CPEB3: variants seen among roughly 807,000 people sequenced by gnomAD.
CPEB3 encodes the protein cytoplasmic polyadenylation element-binding protein 3.
CPEB3 carries 20 observed loss-of-function variants against 67.2 expected under a neutral mutation model. The ratio of observed to expected loss-of-function variants is 0.30; its 90% CI spans 0.21 to 0.43. The LOEUF is 0.43. CPEB3 is among the 20% of genes least tolerant of loss of function. The probability of loss-of-function intolerance (pLI) is 1.00; values close to 1 mark genes in which losing one functional copy is unlikely to be tolerated. For synonymous variants in CPEB3, 376 were observed against 393.1 expected, an observed-to-expected ratio of 0.96 and a Z score of 0.51; for missense variants, 746 against 968.6, an observed-to-expected ratio of 0.77 and a Z score of 3.05.
intron 7 of CPEB3, 126 bp from the exon 8 acceptor site, chr10:92,092,070 T>C (rs1843641919): frequency 1.0e-5 from 7 of 675,388 alleles, no homozygotes; most frequent in Non-Finnish European, 1.9e-5. Flanking sequence ...CAAAATCCAG[T>C]TAATTAGTTA....
chr10:92,096,720 G>A (rs1306622825), intron 7 of CPEB3, among the ~76,000 whole-genome samples: 2 of 152,156 alleles, frequency 1.3e-5, no homozygotes, highest in East Asian at 3.9e-4. Flanking sequence ...AAGGTGGGCA[G>A]ATCATTTGAG....
intron 6 of CPEB3, among the ~76,000 whole-genome samples, chr10:92,120,892 G>A (rs1845336550): frequency 6.6e-6 from 1 of 151,878 alleles, no homozygotes; most frequent in African/African-American, 2.4e-5. Context: ...GTAGAGACGG[G>A]GTTTTGCCAT....
chr10:92,060,455 TG>T (rs1265184680), intron 9 of CPEB3, among the ~76,000 whole-genome samples: 3 of 152,142 alleles, frequency 2.0e-5, no homozygotes, highest in African/African-American at 7.2e-5. Context: ...ACATTGGTCT[TG>T]GCAAAAATTT....
intron 1 of CPEB3, among the ~76,000 whole-genome samples, chr10:92,285,947 CTTTTTTT>C (rs11380868): frequency 4.9e-5 from 7 of 142,706 alleles, no homozygotes; most frequent in African/African-American, 1.8e-4. Context: ...TTGCTTTTTT[CTTTTTTT>C]TTTTTTGAGA....
intron 2 of CPEB3, among the ~76,000 whole-genome samples, chr10:92,224,974 CTTT>C (rs1329526579): frequency 7.1e-6 from 1 of 140,196 alleles, no homozygotes; most frequent in Middle Eastern, 3.7e-3. Flanking sequence ...CATTTTCTTT[CTTT>C]TTTTTTTTTA....
intron 2 of CPEB3, among the ~76,000 whole-genome samples, chr10:92,205,499 C>T (rs897239232): frequency 1.9e-4 from 20 of 104,646 alleles, no homozygotes; most frequent in Admixed American, 1.4e-4. Flanking sequence ...TTTTTTGAGA[C>T]GGAGTCTCAC....
intron 2 of CPEB3, among the ~76,000 whole-genome samples, chr10:92,208,210 C>A (rs1299796086): frequency 2.0e-5 from 3 of 152,150 alleles, no homozygotes; most frequent in African/African-American, 7.2e-5. Flanking sequence ...GCTTGTCTAG[C>A]TCAACAGATA....
At chr10:92,140,382 G>A (rs929210437) in intron 6 of CPEB3, among the ~76,000 whole-genome samples, 1 of 152,138 alleles carries the variant, frequency 6.6e-6, no homozygotes, top group African/African-American at 2.4e-5. Flanking sequence ...AAGGGGGAAA[G>A]GATTCCCTAT....
chr10:92,288,384 CCT>C (rs1436700862), intron 1 of CPEB3, among the ~76,000 whole-genome samples: 3 of 151,466 alleles, frequency 2.0e-5, no homozygotes, highest in East Asian at 1.9e-4. Context: ...TGCTTGAGCC[CCT>C]GAGGCTGAGG....
At chr10:92,286,768 A>G (rs1842546642) in intron 1 of CPEB3, among the ~76,000 whole-genome samples, 1 of 152,150 alleles carries the variant, frequency 6.6e-6, no homozygotes, top group Non-Finnish European at 1.5e-5. Context: ...GAAGGCACCT[A>G]AAAATATTAT....
intron 7 of CPEB3, among the ~76,000 whole-genome samples, chr10:92,106,319 A>G (rs1210085994): frequency 1.3e-5 from 2 of 151,620 alleles, no homozygotes; most frequent in African/African-American, 2.4e-5. Flanking sequence ...TCTGGTTCAC[A>G]GTAACCAGTA....
At chr10:92,170,407 T>C (rs1415699536) in intron 4 of CPEB3, among the ~76,000 whole-genome samples, 1 of 152,148 alleles carries the variant, frequency 6.6e-6, no homozygotes, top group Non-Finnish European at 1.5e-5. Context: ...AGGCAAGACA[T>C]CTCTGGAAAC....
At chr10:92,080,471 A>G (rs939508825) in intron 9 of CPEB3, among the ~76,000 whole-genome samples, 2 of 152,194 alleles carry the variant, frequency 1.3e-5, no homozygotes, top group African/African-American at 4.8e-5. Flanking sequence ...ACCAATGAAC[A>G]GTGTGGCAGG....
chr10:92,171,094 TTCTC>T (rs1361415215), intron 4 of CPEB3, among the ~76,000 whole-genome samples: 1 of 152,220 alleles, frequency 6.6e-6, no homozygotes, highest in Non-Finnish European at 1.5e-5. Flanking sequence ...CAGTGTTGTC[TTCTC>T]TCTATCAACA....
chr10:92,086,539 C>CT (rs1412569987), intron 8 of CPEB3, among the ~76,000 whole-genome samples: 3 of 152,186 alleles, frequency 2.0e-5, no homozygotes, highest in African/African-American at 7.2e-5. Context: ...ACCAGTTACT[C>CT]TATCTGAACT....
At chr10:92,119,139 C>A (rs78191634) in intron 6 of CPEB3, 1 of 1,584,792 alleles carries the variant, frequency 6.3e-7, no homozygotes, top group South Asian at 1.1e-5. Flanking sequence ...ACTGTGTTGT[C>A]CTCTGTAGGG....
chr10:92,162,107 A>G (rs558281007), intron 4 of CPEB3, among the ~76,000 whole-genome samples: 4 of 152,190 alleles, frequency 2.6e-5, no homozygotes, highest in Non-Finnish European at 2.9e-5. Flanking sequence ...TTAATTCTCA[A>G]TTATCAACTA....
intron 1 of CPEB3, among the ~76,000 whole-genome samples, chr10:92,250,322 G>A (rs1049548472): frequency 4.6e-5 from 7 of 151,790 alleles, no homozygotes; most frequent in Admixed American, 3.9e-4. Flanking sequence ...TCCTGACCTC[G>A]TGATCCGCCC....
intron 4 of CPEB3, among the ~76,000 whole-genome samples, chr10:92,168,898 C>A (rs1423122051): frequency 3.4e-5 from 5 of 147,370 alleles, no homozygotes; most frequent in East Asian, 2.0e-4. Context: ...CAGGTTCAAG[C>A]GATTCTCTTG....
Sources: gnomAD v4.1 joint callset for allele counts (sites outside exome capture counted in the v4.1 genomes callset) on GRCh38, gnomAD v4.1.1 for gene constraint, MANE v1.5 for transcripts, NCBI Gene and HGNC (gene_info 2026-07-23, HGNC 2026-07-21) for gene names.